The following AHNAK variants were observed in gnomAD, a reference collection of about 807,000 sequenced individuals.
AHNAK encodes AHNAK nucleoprotein, also known as neuroblast differentiation-associated protein AHNAK.
In AHNAK, 23 loss-of-function variants were observed where a neutral mutation model predicts 37.8. That is an observed-to-expected ratio of 0.61 (90% CI 0.44 to 0.86). The LOEUF (loss-of-function observed/expected upper bound fraction) is 0.86. AHNAK is among the 40% of genes least tolerant of loss of function. The pLI is 0.00. For synonymous variants in AHNAK, 2,481 were observed against 2,636.3 expected (o/e 0.94, Z 1.80); for missense variants, 7,411 against 7,319.4 (o/e 1.01, Z -0.46).
At chr11:62,452,558 C>A (rs113543117) in intron 5 of AHNAK, among the ~76,000 whole-genome samples, 93 of 152,286 alleles carry the variant, frequency 6.1e-4, no homozygotes, top group Non-Finnish European at 1.2e-3. Context: ...CACCCAGGGA[C>A]GGCCTCATTC....
chr11:62,458,878 A>G (rs1938724322), intron 5 of AHNAK, among the ~76,000 whole-genome samples: 1 of 151,998 alleles, frequency 6.6e-6, no homozygotes, highest in Non-Finnish European at 1.5e-5. Flanking sequence ...TGCCCCAAGT[A>G]CCCCAGCTGT....
At chr11:62,492,077 G>A (rs1939513975) in intron 4 of AHNAK, among the ~76,000 whole-genome samples, 1 of 152,070 alleles carries the variant, frequency 6.6e-6, no homozygotes, top group African/African-American at 2.4e-5. Context: ...TGAAAGCCCG[G>A]GGAATCTCAC....
chr11:62,458,431 C>T (rs759026686), intron 5 of AHNAK, among the ~76,000 whole-genome samples: 6 of 152,058 alleles, frequency 3.9e-5, no homozygotes, highest in African/African-American at 7.2e-5. Flanking sequence ...GGTTCTGAGA[C>T]GGGAGAGTCT....
rs982876555 is a variant in AHNAK, at chr11:62,516,808, C to G, written c.17609G>C (p.Ser5870Thr). 4.4e-5 allele frequency: 71 copies of G among 1,613,992 alleles called. No homozygotes were observed. Among genetic ancestry groups the G allele is most frequent in the Non-Finnish European group, 5.7e-5 (67 of 1,180,002 alleles). ...AAGCTGGATGCCAACCTTATTCCCACTGTCATTGCTAGAAGAGGAGGACAG... is the reference window on the plus strand; with the variant it reads ...AAGCTGGATGCCAACCTTATTCCCAGTGTCATTGCTAGAAGAGGAGGACAG... ...SRLSSSSSNDSGNKVGIQLPE... is the reference protein window; with the variant it reads ...SRLSSSSSNDTGNKVGIQLPE... Residue 5870 changes from serine (S) to threonine (T), a missense_variant, in exon 5 of 5, where the codon AGT (serine) becomes ACT (threonine). Transcript: ENST00000378024.
At chr11:62,478,813 T>A (rs914488532) in intron 5 of AHNAK, among the ~76,000 whole-genome samples, 1 of 150,834 alleles carries the variant, frequency 6.6e-6, no homozygotes, top group Non-Finnish European at 1.5e-5. Context: ...ATGTACACCA[T>A]TAATACACCA....
At chr11:62,433,747 G>A in exon 6 of AHNAK, 6 of 1,271,098 alleles carry the variant, frequency 4.7e-6, no homozygotes, top group South Asian at 2.6e-5. Context: ...AAGCCGCCTC[G>A]CGGAAGGTAT....
chr11:62,486,475 C>A (rs1413316778), intron 5 of AHNAK, among the ~76,000 whole-genome samples: 1 of 136,854 alleles, frequency 7.3e-6, no homozygotes, highest in African/African-American at 2.7e-5. Context: ...CTCCGAAACT[C>A]TGTCTCAAAA....
chr11:62,501,570 A>C (rs1339670009), intron 4 of AHNAK, among the ~76,000 whole-genome samples: 2 of 152,098 alleles, frequency 1.3e-5, no homozygotes, highest in Admixed American at 1.3e-4. Context: ...CATCTCAAAA[A>C]AATAAAATAA....
chr11:62,523,057 T>C lies in AHNAK; in HGVS notation c.11360A>G (p.Asp3787Gly), dbSNP rs769094763. 1.2e-6 allele frequency: 2 copies of C among 1,614,146 alleles called. No homozygotes were observed. Among genetic ancestry groups the C allele is most frequent in the Non-Finnish European group, 8.5e-7 (1 of 1,180,026 alleles). ...PEVDIKGPKV[D>G]INAPDVDVQG... ...AACATCAACATCTGGAGCATTAATG[T>C]CCACTTTGGGGCCCTTGATGTCAAC... is the stretch of plus-strand genomic sequence containing the variant. Residue 3787 changes from aspartate to glycine, a missense_variant, in exon 5 of 5, where the codon GAC becomes GGC. Transcript: ENST00000378024.
chr11:62,529,755 A>G lies in AHNAK; in HGVS notation c.4662T>C (p.Asn1554=). 6.2e-7 allele frequency: 1 copy of G among 1,614,124 alleles called. No individual in the cohort carries two copies. The highest frequency in any genetic ancestry group is 8.5e-7 in the Non-Finnish European group (1 of 1,180,018). Reference sequence around the variant, plus strand: ...TTAGTTTCCCCTCTGGAGCTTCAAGATTCACATCTGGAACATCAATGTCCA... The same window carrying G: ...TTAGTTTCCCCTCTGGAGCTTCAAGGTTCACATCTGGAACATCAATGTCCA... ...PKVDIDVPDV[N]LEAPEGKLKG... The change falls in exon 5 of 5, where the codon AAT becomes AAC. Residue 1554 remains asparagine (N), a synonymous_variant. Transcript: ENST00000378024.
At position 62,517,254 on chromosome 11, in the gene AHNAK, T is replaced by C. The variant is rs960751890; in HGVS notation, c.17163A>G (p.Lys5721=). 1 of 1,614,088 alleles carries C rather than the reference T, an allele frequency of 6.2e-7. No individual in the cohort carries two copies. Among genetic ancestry groups the C allele is most frequent in the South Asian group, 1.1e-5 (1 of 91,078 alleles). ...CAGTGACACCACCTTTCCCTTTAGG[T>C]TTGGAAAAATTAAACTTGGGCATTT... The part of the protein sequence containing the change: ...KIKMPKFNFS[K]PKGKGGVTGS... Residue 5721 remains lysine (K), a synonymous_variant, in exon 5 of 5, where the codon AAA becomes AAG. Coordinates refer to ENST00000378024, the MANE Select transcript of AHNAK (RefSeq NM_001620.3).
intron 4 of AHNAK, among the ~76,000 whole-genome samples, chr11:62,495,255 C>T (rs1451821003): frequency 6.6e-6 from 1 of 152,062 alleles, no homozygotes; most frequent in Admixed American, 6.6e-5. Flanking sequence ...AACACTAAAC[C>T]ATCCATTCAT....
At position 62,518,978 on chromosome 11, in the gene AHNAK, C is replaced by G; in HGVS notation, c.15439G>C (p.Asp5147His). Residue 5147 changes from aspartate (D) to histidine (H), a missense_variant, in exon 5 of 5, where the codon GAT becomes CAT. Asp to His is a moderately conservative substitution (Grantham distance 81, BLOSUM62 -1). Transcript: ENST00000378024. The stretch of plus-strand genomic sequence containing the variant: ...ATTTTTGGCACTGAGATGTCCACAT[C>G]TGGCATCTTGACCTTGGGAGCCTTC... The part of the protein sequence containing the change: ...KAKAPKVKMP[D>H]VDISVPKIEG... The G allele has an allele frequency of 6.2e-7, 1 of 1,614,186 alleles. No homozygotes were observed. The highest frequency in any genetic ancestry group is 1.1e-5 in the South Asian group (1 of 91,086).
chr11:62,517,396 A>G lies in AHNAK; in HGVS notation c.17021T>C (p.Val5674Ala). The stretch of plus-strand genomic sequence containing the variant: ...AACATCCACCCCCATTTCTCTGCCA[A>G]CCAGCTCACGGCCAGAGAAGGTAAA... The part of the protein sequence containing the change: ...PKFTFSGREL[V>A]GREMGVDVHF... Residue 5674 changes from valine (V) to alanine (A), a missense_variant, in exon 5 of 5, where the codon GTT becomes GCT. Transcript: ENST00000378024. The G allele has an allele frequency of 6.2e-7, 1 of 1,614,182 alleles. No homozygotes were observed. Among genetic ancestry groups the G allele is most frequent in the Non-Finnish European group, 8.5e-7 (1 of 1,180,020 alleles).
At chr11:62,442,168 A>G (rs1938319588) in intron 5 of AHNAK, among the ~76,000 whole-genome samples, 1 of 152,208 alleles carries the variant, frequency 6.6e-6, no homozygotes, top group South Asian at 2.1e-4. Flanking sequence ...ACTTATTTCA[A>G]TGTCTGTCAG....
rs549010283 is a variant in AHNAK, at chr11:62,525,225, A to G, written c.9192T>C (p.Asp3064=). 43 of 1,610,736 alleles carry G rather than the reference A, an allele frequency of 2.7e-5. No homozygotes were observed. The South Asian group carries it at 4.1e-4, about 15-fold the overall frequency. Reference sequence around the variant, plus strand: ...TTCCCTCTGGGCCTTCGATATTCACATCTGGAACATCAATGTCCACCTTGG... The same window carrying G: ...TTCCCTCTGGGCCTTCGATATTCACGTCTGGAACATCAATGTCCACCTTGG... The part of the protein sequence containing the change: ...SGPKVDIDVP[D]VNIEGPEGKL... Residue 3064 remains aspartate (D), a synonymous_variant, in exon 5 of 5, where the codon GAT becomes GAC. Transcript: ENST00000378024.
At position 62,533,971 on chromosome 11, in the gene AHNAK, C is replaced by G. The variant is rs754494430; in HGVS notation, c.446G>C (p.Arg149Pro). ...GACCCTTCTGGTCACTGTGATGGTACGGCTCTGGGTCTCCCCGAGGTCTCC... is the reference window on the plus strand; with the variant it reads ...GACCCTTCTGGTCACTGTGATGGTAGGGCTCTGGGTCTCCCCGAGGTCTCC... ...VEGDLGETQSRTITVTRRVTA... is the reference protein window; with the variant it reads ...VEGDLGETQSPTITVTRRVTA... Residue 149 changes from arginine (R) to proline (P), a missense_variant, in exon 5 of 5, where the codon CGT (arginine) becomes CCT (proline). Coordinates refer to ENST00000378024, the MANE Select transcript of AHNAK (RefSeq NM_001620.3). The G allele has an allele frequency of 6.2e-7, 1 of 1,612,736 alleles. No homozygotes were observed. The highest frequency in any genetic ancestry group is 8.5e-7 in the Non-Finnish European group (1 of 1,179,092).
chr11:62,521,266 T>C lies in AHNAK; in HGVS notation c.13151A>G (p.Lys4384Arg), dbSNP rs1487443477. ...AAAGTCAATGTCAGGCATGGAGATT[T>C]TGGGGGCCTTGATGTTCATCTCTGG... ...KMPEMNIKAP[K>R]ISMPDIDFNL... Residue 4384 changes from lysine to arginine, a missense_variant, in exon 5 of 5, where the codon AAA (lysine) becomes AGA (arginine). By Grantham distance (26) the Lys-to-Arg change is conservative (BLOSUM62 2). Transcript: ENST00000378024. 5 of 1,613,848 alleles carry C rather than the reference T, an allele frequency of 3.1e-6. No individual in the cohort carries two copies. The highest frequency in any genetic ancestry group is 1.3e-5 in the African/African-American group (1 of 74,824).
At chr11:62,511,873 G>A (rs571065416), downstream of AHNAK, among the ~76,000 whole-genome samples, 1 of 152,194 alleles carries the variant, frequency 6.6e-6, no homozygotes, top group South Asian at 2.1e-4. Flanking sequence ...TTCTGAGATG[G>A]AGTCTTGCTC....
Sources: gnomAD v4.1 joint callset for allele counts (sites outside exome capture counted in the v4.1 genomes callset) on GRCh38, gnomAD v4.1.1 for gene constraint, MANE v1.5 for transcripts, NCBI Gene and HGNC (gene_info 2026-07-23, HGNC 2026-07-21) for gene names.